Variants in ERBB4 observed in about 807,000 individuals in gnomAD.
ERBB4 encodes the protein erb-b2 receptor tyrosine kinase 4, also known as receptor tyrosine-protein kinase erbB-4.
In ERBB4, 42 loss-of-function variants were observed where a neutral mutation model predicts 158.0. That is an observed-to-expected ratio of 0.27 (90% CI 0.21 to 0.34). The LOEUF (loss-of-function observed/expected upper bound fraction) is 0.34. ERBB4 is among the 10% of genes least tolerant of loss of function. ERBB4 has a pLI of 1.00. For synonymous variants in ERBB4, 583 were observed against 558.7 expected (o/e 1.04, Z -0.61); for missense variants, 1,333 against 1,624.1 (o/e 0.82, Z 3.08).
chr2:212,472,342 G>A (rs1262917253), intron 1 of ERBB4, among the ~76,000 whole-genome samples: 1 of 151,780 alleles, frequency 6.6e-6, no homozygotes, highest in Non-Finnish European at 1.5e-5. Context: ...GGAAATAGAG[G>A]CTCAAGAAAT....
rs115843840 is a variant in ERBB4 at position 211,699,384 on chromosome 2, A to G, written c.1489+2583T>C. 5.7e-3 allele frequency among the ~76,000 whole-genome samples: 873 copies of G among 152,296 alleles called. 7 individuals are homozygous for G. The highest frequency in any genetic ancestry group is 0.02 in the African/African-American group (847 of 41,552). On this transcript the variant is annotated intron_variant, in intron 12 of 27. Transcript: ENST00000342788. The stretch of plus-strand genomic sequence containing the variant: ...AAAATGAAACATTTACAGTGCATTT[A>G]AAATGAAGCAAGCATTTAGACATTC...
intron 16 of ERBB4, among the ~76,000 whole-genome samples, chr2:211,638,032 G>A (rs1038703840): frequency 2.0e-5 from 3 of 151,820 alleles, no homozygotes; most frequent in Non-Finnish European, 2.9e-5. Context: ...CATTTTATCT[G>A]TATTGCTATA....
At chr2:212,522,395 A>T (rs1692219562) in intron 1 of ERBB4, among the ~76,000 whole-genome samples, 1 of 151,986 alleles carries the variant, frequency 6.6e-6, no homozygotes, top group South Asian at 2.1e-4. Context: ...GAAGTTTATA[A>T]CAATTAAGAT....
intron 1 of ERBB4, among the ~76,000 whole-genome samples, chr2:212,207,671 G>T (rs999846183): frequency 1.3e-5 from 2 of 152,114 alleles, no homozygotes; most frequent in African/African-American, 2.4e-5. Context: ...ATTATGAACT[G>T]TGTAATCTGT....
At chr2:211,681,680 A>G (rs2072339228) in intron 12 of ERBB4, among the ~76,000 whole-genome samples, 1 of 152,080 alleles carries the variant, frequency 6.6e-6, no homozygotes, top group African/African-American at 2.4e-5. Context: ...GTGCCACCAA[A>G]TCTTTTGCCC....
intron 1 of ERBB4, among the ~76,000 whole-genome samples, chr2:212,343,450 A>G (rs2088821111): frequency 6.6e-6 from 1 of 152,190 alleles, no homozygotes. Flanking sequence ...TTTCCCTGTT[A>G]GAGTCAAAAG....
At chr2:211,589,795 G>A (rs887869033) in intron 19 of ERBB4, among the ~76,000 whole-genome samples, 1 of 152,018 alleles carries the variant, frequency 6.6e-6, no homozygotes, top group African/African-American at 2.4e-5. Flanking sequence ...TTACAATTGG[G>A]TAACTATGTT....
At chr2:211,935,837 T>C (rs750235053) in intron 3 of ERBB4, among the ~76,000 whole-genome samples, 1 of 152,192 alleles carries the variant, frequency 6.6e-6, no homozygotes, top group African/African-American at 2.4e-5. Context: ...ATTGCAAGGA[T>C]GAAGAGAGAT....
intron 3 of ERBB4, among the ~76,000 whole-genome samples, chr2:211,820,501 C>A (rs2076970490): frequency 6.6e-6 from 1 of 151,822 alleles, no homozygotes; most frequent in Non-Finnish European, 1.5e-5. Flanking sequence ...TCTACCAGAT[C>A]TTTATTTAAA....
At chr2:211,682,657 T>C (rs2072399443) in intron 12 of ERBB4, among the ~76,000 whole-genome samples, 3 of 152,218 alleles carry the variant, frequency 2.0e-5, no homozygotes, top group Admixed American at 1.3e-4. Flanking sequence ...TTTGCATATT[T>C]ATAAGAAATA....
intron 1 of ERBB4, among the ~76,000 whole-genome samples, chr2:212,307,755 T>C (rs1175804547): frequency 3.3e-5 from 5 of 151,228 alleles, no homozygotes; most frequent in African/African-American, 9.7e-5. Context: ...AGAGATTTCA[T>C]GTAGTTGCTT....
intron 1 of ERBB4, among the ~76,000 whole-genome samples, chr2:212,470,887 A>G (rs1017371602): frequency 6.6e-6 from 1 of 152,104 alleles, no homozygotes; most frequent in Non-Finnish European, 1.5e-5. Context: ...AATAAAAGCT[A>G]TCAATTAACA....
chr2:211,511,994 A>G (rs913598050), intron 20 of ERBB4, among the ~76,000 whole-genome samples: 1 of 152,116 alleles, frequency 6.6e-6, no homozygotes, highest in Non-Finnish European at 1.5e-5. Context: ...ACTCATAACT[A>G]TTGGGTGGAC....
At position 212,299,989 on chromosome 2, in the gene ERBB4, C is replaced by T. The variant is rs1167809756; in HGVS notation, c.83-175086G>A. Among the ~76,000 whole-genome samples the T allele has an allele frequency of 2.0e-5, 3 of 151,560 alleles. No individual in the cohort carries two copies. The East Asian group carries it at 5.8e-4, about 29-fold the overall frequency. On this transcript the variant is annotated intron_variant, in intron 1 of 27. Transcript: ENST00000342788. The stretch of plus-strand genomic sequence containing the variant: ...AAATCTTTTCACTAAAATATAAACT[C>T]ATAGCCCCACATTTTCATTTCCCCC...
chr2:212,294,043 G>A (rs17346733), intron 1 of ERBB4, among the ~76,000 whole-genome samples: 4,509 of 151,732 alleles, frequency 0.03, 85 homozygotes, highest in Middle Eastern at 0.045. Context: ...TTCTTCAACA[G>A]TATTAAATTT....
At chr2:212,491,464 TAAAAG>T (rs986575589) in intron 1 of ERBB4, among the ~76,000 whole-genome samples, 7 of 151,554 alleles carry the variant, frequency 4.6e-5, no homozygotes, top group African/African-American at 1.7e-4. Flanking sequence ...CTTTGTACCA[TAAAAG>T]GAAAGGAACT....
At chr2:212,177,734 T>C (rs1325805643) in intron 1 of ERBB4, among the ~76,000 whole-genome samples, 1 of 151,936 alleles carries the variant, frequency 6.6e-6, no homozygotes, top group East Asian at 1.9e-4. Flanking sequence ...GCAAATCATA[T>C]CATATGTTCT....
intron 3 of ERBB4, among the ~76,000 whole-genome samples, chr2:211,887,208 T>A (rs577288068): frequency 2.9e-4 from 43 of 150,730 alleles, no homozygotes; most frequent in Admixed American, 1.9e-3. Context: ...ATATGAAACA[T>A]CCTGAATTAG....
intron 3 of ERBB4, among the ~76,000 whole-genome samples, chr2:211,926,616 C>G (rs1328381146): frequency 6.6e-6 from 1 of 152,126 alleles, no homozygotes; most frequent in Non-Finnish European, 1.5e-5. Context: ...ACTGCTGTTA[C>G]AAGTATCTCA....
Sources: allele counts gnomAD v4.1 joint callset (sites outside exome capture counted in the v4.1 genomes callset), GRCh38; gene constraint gnomAD v4.1.1; transcripts MANE v1.5; gene names NCBI Gene and HGNC (gene_info 2026-07-23, HGNC 2026-07-21).